The following CTNNA2 variants were observed in gnomAD, a reference collection of about 807,000 sequenced individuals.
CTNNA2 encodes the protein catenin alpha-2.
CTNNA2 carries 42 observed loss-of-function variants against 101.0 expected under a neutral mutation model. The ratio of observed to expected loss-of-function variants is 0.42; its 90% CI spans 0.32 to 0.54. CTNNA2 has a LOEUF of 0.54. Ranked by LOEUF, CTNNA2 falls within the 20% of genes least tolerant of loss-of-function variation. The pLI is 0.14. For synonymous variants in CTNNA2, 450 were observed against 456.4 expected (o/e 0.99, Z 0.18); for missense variants, 871 against 1,223.1 (o/e 0.71, Z 4.29).
At chr2:79,611,265 A>G (rs111421923) in intron 1 of CTNNA2, among the ~76,000 whole-genome samples, 352 of 152,234 alleles carry the variant, frequency 2.3e-3, no homozygotes, top group African/African-American at 8.2e-3. Flanking sequence ...CACGCTTAAT[A>G]TCTTTTTAAT....
At chr2:80,196,231 A>G (rs1706823302) in intron 7 of CTNNA2, among the ~76,000 whole-genome samples, 1 of 152,156 alleles carries the variant, frequency 6.6e-6, no homozygotes, top group Admixed American at 6.6e-5. Flanking sequence ...GGGGACAGCT[A>G]GGTCCTAAGG....
chr2:80,021,909 C>A (rs1469006362), intron 7 of CTNNA2, among the ~76,000 whole-genome samples: 3 of 118,692 alleles, frequency 2.5e-5, no homozygotes, highest in African/African-American at 1.5e-4. Context: ...ATTTACTTTA[C>A]ATTAATGAAT....
intron 1 of CTNNA2, among the ~76,000 whole-genome samples, chr2:79,583,573 T>C (rs550695096): frequency 6.6e-5 from 10 of 152,250 alleles, no homozygotes; most frequent in African/African-American, 2.4e-4. Context: ...GTGTGGTTAG[T>C]GTATGTTTAG....
intron 8 of CTNNA2, among the ~76,000 whole-genome samples, chr2:80,413,050 T>C (rs1486487892): frequency 2.0e-5 from 3 of 152,198 alleles, no homozygotes; most frequent in East Asian, 3.8e-4. Context: ...AGGTTATTCA[T>C]GCAACAAATC....
chr2:80,573,319 T>C (rs1200015840), intron 12 of CTNNA2: 1 of 152,204 alleles, frequency 6.6e-6, no homozygotes, highest in Non-Finnish European at 1.5e-5. Flanking sequence ...CACTAATCTC[T>C]AGGGTGTGTG....
chr2:79,917,968 G>A (rs1686373916), intron 7 of CTNNA2, among the ~76,000 whole-genome samples: 1 of 152,184 alleles, frequency 6.6e-6, no homozygotes, highest in African/African-American at 2.4e-5. Context: ...CAGGCCCTGT[G>A]GGAACATGGC....
intron 2 of CTNNA2, among the ~76,000 whole-genome samples, chr2:79,282,504 GGT>G (rs1276729109): frequency 6.6e-6 from 1 of 151,530 alleles, no homozygotes; most frequent in African/African-American, 2.4e-5. Context: ...GAGAATATGC[GGT>G]GTCTGGTTTT....
At chr2:79,343,704 A>G (rs895902121) in intron 3 of CTNNA2, among the ~76,000 whole-genome samples, 23 of 146,038 alleles carry the variant, frequency 1.6e-4, no homozygotes, top group African/African-American at 5.6e-4. Context: ...CCCTGTAACA[A>G]TGGCCTGAAG....
intron 3 of CTNNA2, among the ~76,000 whole-genome samples, chr2:79,787,607 A>T (rs1238029181): frequency 6.6e-6 from 1 of 152,172 alleles, no homozygotes; most frequent in Non-Finnish European, 1.5e-5. Context: ...TCAGTTTCAC[A>T]TGCTAAAGTC....
In CTNNA2 at chr2:79,276,768, T is replaced by A. The variant is rs118122053; in HGVS notation, c.-405-35941T>A. Among the ~76,000 whole-genome samples the A allele has an allele frequency of 1.1e-3, 162 of 152,052 alleles. 3 individuals carry two copies. In the East Asian group the frequency reaches 0.028, roughly 26 times the overall value. On this transcript the variant is annotated intron_variant, in intron 2 of 21. Coordinates refer to the CTNNA2 transcript ENST00000466387. Reference sequence around the variant, plus strand: ...CCTGCCTTAATGATTACCCTTATTTTAAAAAAAATTGTCCCCTTGTATTTA... The same window carrying A: ...CCTGCCTTAATGATTACCCTTATTTAAAAAAAAATTGTCCCCTTGTATTTA...
chr2:79,697,953 A>G (rs1684750292), intron 2 of CTNNA2: 1 of 152,076 alleles, frequency 6.6e-6, no homozygotes, highest in Non-Finnish European at 1.5e-5. Context: ...ATGACTTTAA[A>G]AACAATGACA....
chr2:79,480,763 T>C (rs1671100962), intron 4 of CTNNA2, among the ~76,000 whole-genome samples: 1 of 152,200 alleles, frequency 6.6e-6, no homozygotes, highest in Admixed American at 6.5e-5. Context: ...TCCATGACCA[T>C]ATAATCTCTT....
intron 9 of CTNNA2, among the ~76,000 whole-genome samples, chr2:80,484,048 A>T (rs1185375792): frequency 6.6e-6 from 1 of 152,236 alleles, no homozygotes; most frequent in Non-Finnish European, 1.5e-5. Context: ...CTGTATAAAA[A>T]GAGTCATTGA....
intron 7 of CTNNA2, among the ~76,000 whole-genome samples, chr2:79,980,728 T>C (rs1382825994): frequency 6.6e-6 from 1 of 152,192 alleles, no homozygotes; most frequent in Non-Finnish European, 1.5e-5. Flanking sequence ...TTTGGATAGA[T>C]TTCAAGTTTT....
intron 7 of CTNNA2, among the ~76,000 whole-genome samples, chr2:80,010,347 TCTCA>T (rs769798604): frequency 2.0e-5 from 3 of 152,066 alleles, no homozygotes; most frequent in Admixed American, 6.6e-5. Flanking sequence ...TGAGACAGGG[TCTCA>T]CTCTGTTGCC....
At chr2:79,903,774 C>T (rs765512543) in intron 6 of CTNNA2, among the ~76,000 whole-genome samples, 1 of 152,156 alleles carries the variant, frequency 6.6e-6, no homozygotes, top group Non-Finnish European at 1.5e-5. Context: ...GTGGGGAGCC[C>T]GGATCAGGAG....
At chr2:80,072,889 T>C (rs932681164) in intron 7 of CTNNA2, among the ~76,000 whole-genome samples, 2 of 152,190 alleles carry the variant, frequency 1.3e-5, no homozygotes, top group Admixed American at 6.5e-5. Flanking sequence ...TTTGATATTA[T>C]TGTTTACATT....
At chr2:79,410,475 C>G in intron 4 of CTNNA2, among the ~76,000 whole-genome samples, 1 of 152,092 alleles carries the variant, frequency 6.6e-6, no homozygotes, top group East Asian at 1.9e-4. Flanking sequence ...AGATTTGTCC[C>G]ATCAATACCT....
intron 7 of CTNNA2, among the ~76,000 whole-genome samples, chr2:80,165,998 T>G (rs1335580140): frequency 6.6e-6 from 1 of 152,182 alleles, no homozygotes. Context: ...TCTAAAATTT[T>G]TCTACATTAA....
Sources: gnomAD v4.1 joint callset for allele counts (sites outside exome capture counted in the v4.1 genomes callset) on GRCh38, gnomAD v4.1.1 for gene constraint, MANE v1.5 for transcripts, NCBI Gene and HGNC (gene_info 2026-07-23, HGNC 2026-07-21) for gene names.